SNTG1: variants seen among roughly 807,000 people sequenced by gnomAD.
The protein encoded by SNTG1 is syntrophin gamma 1.
In SNTG1, 39 loss-of-function variants were observed where a neutral mutation model predicts 74.7. The observed-to-expected ratio is 0.52, with a 90% CI of 0.40 to 0.68. SNTG1 has a LOEUF of 0.68. SNTG1 is among the 30% of genes least tolerant of loss of function. The pLI, the probability that SNTG1 is intolerant of heterozygous loss-of-function variation, is 0.00. For synonymous variants in SNTG1, 254 were observed against 217.1 expected (o/e 1.17, Z -1.49); for missense variants, 685 against 609.5 (o/e 1.12, Z -1.30).
At chr8:50,065,112 A>G (rs203946) in intron 1 of SNTG1, among the ~76,000 whole-genome samples, 131,695 of 152,144 alleles carry the variant, frequency 0.87, 57,134 homozygotes, top group East Asian at 0.99. Flanking sequence ...TAGGTTTTAC[A>G]TCACCAGCTT....
chr8:50,720,015 C>A (rs1585633169), intron 17 of SNTG1, among the ~76,000 whole-genome samples: 1 of 152,100 alleles, frequency 6.6e-6, no homozygotes. Context: ...GGGAGAAGTT[C>A]TGAGCTTGAT....
intron 1 of SNTG1, among the ~76,000 whole-genome samples, chr8:50,152,822 C>T (rs1296870811): frequency 6.6e-6 from 1 of 152,196 alleles, no homozygotes; most frequent in African/African-American, 2.4e-5. Flanking sequence ...ACTTTTCTCT[C>T]TGGCTGCCCT....
At chr8:50,533,142 C>G (rs931890979) in intron 10 of SNTG1, among the ~76,000 whole-genome samples, 6 of 152,126 alleles carry the variant, frequency 3.9e-5, no homozygotes, top group Admixed American at 3.9e-4. Flanking sequence ...CTCTTAAGCC[C>G]CAGCCCAGAT....
chr8:50,136,789 T>C (rs148022895), intron 1 of SNTG1, among the ~76,000 whole-genome samples: 1 of 152,252 alleles, frequency 6.6e-6, no homozygotes, highest in African/African-American at 2.4e-5. Context: ...CCTACAGGCC[T>C]ATTAGCCCCA....
At chr8:50,202,487 T>C (rs1300101165) in intron 2 of SNTG1, among the ~76,000 whole-genome samples, 1 of 152,138 alleles carries the variant, frequency 6.6e-6, no homozygotes. Context: ...CACTTAGCAA[T>C]GTACAGTGTT....
chr8:50,659,599 T>A (rs751774123), intron 15 of SNTG1, among the ~76,000 whole-genome samples: 1 of 152,208 alleles, frequency 6.6e-6, no homozygotes, highest in South Asian at 2.1e-4. Context: ...GAACTTTGGA[T>A]TAAAGCTGAA....
chr8:50,223,296 A>G (rs1038172047), intron 2 of SNTG1, among the ~76,000 whole-genome samples: 10 of 152,118 alleles, frequency 6.6e-5, no homozygotes, highest in Admixed American at 6.6e-5. Flanking sequence ...GAACAAAAAT[A>G]CTGGACTTTT....
At chr8:50,505,991 G>C (rs1252845544) in intron 9 of SNTG1, among the ~76,000 whole-genome samples, 1 of 151,892 alleles carries the variant, frequency 6.6e-6, no homozygotes, top group South Asian at 2.1e-4. Flanking sequence ...CAAATCTAAT[G>C]TTTAGGTATT....
chr8:50,269,849 G>A (rs1430275741), intron 2 of SNTG1, among the ~76,000 whole-genome samples: 2 of 152,046 alleles, frequency 1.3e-5, no homozygotes, highest in Non-Finnish European at 2.9e-5. Flanking sequence ...CATAAAAGAC[G>A]TATACACATT....
At chr8:50,089,907 G>T (rs1374610293) in intron 1 of SNTG1, among the ~76,000 whole-genome samples, 1 of 152,106 alleles carries the variant, frequency 6.6e-6, no homozygotes, top group Non-Finnish European at 1.5e-5. Flanking sequence ...CCATTACTGG[G>T]TATATACCCA....
intron 1 of SNTG1, among the ~76,000 whole-genome samples, chr8:50,096,275 C>T (rs1177374159): frequency 6.6e-6 from 1 of 151,980 alleles, no homozygotes; most frequent in African/African-American, 2.4e-5. Context: ...TAACGTAATA[C>T]AATTGTGGAA....
intron 1 of SNTG1, among the ~76,000 whole-genome samples, chr8:50,093,816 A>T (rs1266807063): frequency 6.6e-6 from 1 of 152,192 alleles, no homozygotes; most frequent in African/African-American, 2.4e-5. Flanking sequence ...AAGCAAGATT[A>T]AACCATAAAG....
chr8:50,202,278 C>T (rs1248191170), intron 2 of SNTG1, among the ~76,000 whole-genome samples: 1 of 152,060 alleles, frequency 6.6e-6, no homozygotes, highest in East Asian at 1.9e-4. Flanking sequence ...GCCATGTATC[C>T]ACAATTACAT....
chr8:50,102,399 T>A (rs1353114483), intron 1 of SNTG1, among the ~76,000 whole-genome samples: 3 of 151,168 alleles, frequency 2.0e-5, no homozygotes, highest in Non-Finnish European at 4.4e-5. Flanking sequence ...CACTTTTTGA[T>A]GGGGTTGTTT....
rs184323177 is a variant in SNTG1 at position 50,129,461 on chromosome 8, T to A, written c.-102-43100T>A. ...CCCCAAATATAATTCATAAAAAACA[T>A]CAGTCTTCCTACAAAAGTTGAAAAC... On this transcript the variant is annotated intron_variant, in intron 1 of 18. Transcript: ENST00000642720. 2.4e-4 allele frequency among the ~76,000 whole-genome samples: 37 copies of A among 152,238 alleles called. No individual in the cohort carries two copies. The East Asian group carries it at 6.2e-3, about 25-fold the overall frequency.
At chr8:50,745,051 T>C (rs954592460) in intron 17 of SNTG1, among the ~76,000 whole-genome samples, 2 of 151,938 alleles carry the variant, frequency 1.3e-5, no homozygotes, top group South Asian at 4.1e-4. Flanking sequence ...ATAGATAAAT[T>C]GGACAACATT....
At chr8:50,415,872 T>G (rs2131422233) in intron 4 of SNTG1, among the ~76,000 whole-genome samples, 1 of 152,240 alleles carries the variant, frequency 6.6e-6, no homozygotes, top group South Asian at 2.1e-4. Context: ...TGATTGAAAT[T>G]TATATTTGAT....
chr8:50,348,730 G>A lies in SNTG1; in HGVS notation c.-27-45482G>A, dbSNP rs143038432. Among the ~76,000 whole-genome samples the A allele has an allele frequency of 2.9e-3, 440 of 152,284 alleles. 3 individuals are homozygous for A. The highest frequency in any genetic ancestry group is 0.01 in the African/African-American group (421 of 41,560). Reference sequence around the variant, plus strand: ...GTGACAAGTAAAGTATAATAACACTGTATAGACTTAAGACAAGCTGTTCTT... The same window carrying A: ...GTGACAAGTAAAGTATAATAACACTATATAGACTTAAGACAAGCTGTTCTT... On this transcript the variant is annotated intron_variant, in intron 2 of 18. Coordinates refer to ENST00000642720, the MANE Select transcript of SNTG1 (RefSeq NM_018967.5).
rs547703371 is a variant in SNTG1 at position 50,501,290 on chromosome 8, G to C, written c.364-1488G>C. On this transcript the variant is annotated intron_variant, in intron 8 of 18. Coordinates refer to ENST00000642720, the MANE Select transcript of SNTG1 (RefSeq NM_018967.5). The stretch of plus-strand genomic sequence containing the variant: ...AGGTATCCGGCCTCTGTGCTGTCCA[G>C]TGCTGGCCTGAGACCCCAATCAGAT... Among the ~76,000 whole-genome samples, 165 of 152,094 alleles carry C rather than the reference G, an allele frequency of 1.1e-3. 1 individual carries two copies. Among genetic ancestry groups the C allele is most frequent in the Non-Finnish European group, 1.3e-4 (9 of 67,998 alleles).
Sources: gnomAD v4.1 joint callset for allele counts (sites outside exome capture counted in the v4.1 genomes callset) on GRCh38, gnomAD v4.1.1 for gene constraint, MANE v1.5 for transcripts, NCBI Gene and HGNC (gene_info 2026-07-23, HGNC 2026-07-21) for gene names.